Variants in EPB41L4A observed in about 807,000 individuals in gnomAD.
EPB41L4A encodes erythrocyte membrane protein band 4.1 like 4A.
In EPB41L4A, 100 loss-of-function variants were observed where a neutral mutation model predicts 108.6. The ratio of observed to expected loss-of-function variants is 0.92; its 90% CI spans 0.78 to 1.09. The LOEUF is 1.09. Among genes scored for constraint, EPB41L4A ranks in the 50% least tolerant of loss-of-function variants. EPB41L4A has a pLI of 0.00. For synonymous variants in EPB41L4A, 319 were observed against 289.0 expected, an observed-to-expected ratio of 1.10 and a Z score of -1.05; for missense variants, 1,030 against 842.7, an observed-to-expected ratio of 1.22 and a Z score of -2.75.
chr5:112,348,244 G>A lies in EPB41L4A; in HGVS notation c.100-40754C>T, dbSNP rs566276056. ...TCTTCTCCTTCATGAAACCATCTGC[G>A]ACACCTCCACCTTTGTCCATTTACC... On this transcript the variant is annotated intron_variant, in intron 1 of 22. Coordinates refer to ENST00000261486, the MANE Select transcript of EPB41L4A (RefSeq NM_022140.5). Among the ~76,000 whole-genome samples the A allele has an allele frequency of 3.9e-5, 6 of 152,132 alleles. No individual in the cohort carries two copies. The East Asian group carries it at 5.8e-4, about 15-fold the overall frequency.
chr5:112,256,072 T>G (rs949786232), intron 9 of EPB41L4A, among the ~76,000 whole-genome samples: 54 of 152,342 alleles, frequency 3.5e-4, no homozygotes, highest in African/African-American at 1.2e-3. Flanking sequence ...GTTGTCACCC[T>G]GATCCACTGA....
intron 16 of EPB41L4A, 36 bp from the exon 17 acceptor site, chr5:112,194,681 C>A: frequency 6.8e-7 from 1 of 1,468,058 alleles, no homozygotes; most frequent in Non-Finnish European, 9.4e-7. Flanking sequence ...AGAAAAAACA[C>A]ACATTTATAA....
intron 2 of EPB41L4A, among the ~76,000 whole-genome samples, chr5:112,298,760 T>C (rs1434720998): frequency 1.3e-5 from 2 of 152,208 alleles, no homozygotes; most frequent in African/African-American, 4.8e-5. Flanking sequence ...GAATTCAACT[T>C]GAATCCATCT....
In EPB41L4A at chr5:112,229,944, C is replaced by T. The variant is rs530410203; in HGVS notation, c.1087+4690G>A. ...CAGAGTTTGCAGTGAGCCGAGATCA[C>T]GCCAGTGCACTCCAGCCTGGGAGGC... On this transcript the variant is annotated intron_variant, in intron 12 of 22. Coordinates refer to ENST00000261486, the MANE Select transcript of EPB41L4A (RefSeq NM_022140.5). 8.0e-5 allele frequency among the ~76,000 whole-genome samples: 12 copies of T among 149,878 alleles called. No homozygotes were observed. In the South Asian group the frequency reaches 1.7e-3, roughly 21 times the overall value.
At chr5:112,278,424 G>C (rs991509348) in intron 3 of EPB41L4A, among the ~76,000 whole-genome samples, 1 of 151,616 alleles carries the variant, frequency 6.6e-6, no homozygotes, top group African/African-American at 2.4e-5. Flanking sequence ...GCTAATTTTT[G>C]TATTTTTAGC....
intron 1 of EPB41L4A, among the ~76,000 whole-genome samples, chr5:112,357,474 C>T (rs1758433608): frequency 6.6e-6 from 1 of 152,216 alleles, no homozygotes; most frequent in Non-Finnish European, 1.5e-5. Flanking sequence ...TAGCATACAA[C>T]CACACCTGTG....
At chr5:112,301,528 C>G (rs921367276) in intron 2 of EPB41L4A, among the ~76,000 whole-genome samples, 1 of 152,144 alleles carries the variant, frequency 6.6e-6, no homozygotes, top group African/African-American at 2.4e-5. Context: ...GCCATGGATA[C>G]CAGCACAGTA....
downstream of EPB41L4A, chr5:112,161,479 A>C (rs752008611): frequency 5.8e-6 from 3 of 518,284 alleles, no homozygotes; most frequent in Non-Finnish European, 7.7e-6. Flanking sequence ...TACCTCACGC[A>C]GTGTCAGCCT....
chr5:112,167,124 A>C lies in EPB41L4A; in HGVS notation c.1932+1615T>G, dbSNP rs1416770035. The stretch of plus-strand genomic sequence containing the variant: ...ATTGAAACCAACTAAAATTTAAGAC[A>C]AAAAAAAAAAAAAAAACACCGAAAG... On this transcript the variant is annotated intron_variant, in intron 22 of 22. Transcript: ENST00000261486. Among the ~76,000 whole-genome samples, 4 of 14,710 alleles carry C rather than the reference A, an allele frequency of 2.7e-4. 1 individual carries two copies. Among genetic ancestry groups the C allele is most frequent in the Non-Finnish European group, 3.9e-4 (4 of 10,138 alleles). The allele number at this position is 14,710 out of a possible 152,430, so 9.7% of individuals were successfully genotyped here. A position where few individuals can be genotyped will look rare whatever the true frequency, so the allele number is the denominator to read the frequency against.
At chr5:112,343,378 C>A (rs752466412) in intron 1 of EPB41L4A, among the ~76,000 whole-genome samples, 7 of 152,100 alleles carry the variant, frequency 4.6e-5, no homozygotes, top group Non-Finnish European at 8.8e-5. Context: ...TTGGTACTTA[C>A]CAGCTGTGTT....
intron 1 of EPB41L4A, among the ~76,000 whole-genome samples, chr5:112,354,313 A>G (rs17134381): frequency 0.069 from 10,564 of 152,240 alleles, 1,007 homozygotes; most frequent in African/African-American, 0.22. Context: ...GCCTAAATCT[A>G]TGTTGAGGTG....
At chr5:112,241,098 A>G (rs1749755076) in intron 9 of EPB41L4A, among the ~76,000 whole-genome samples, 1 of 152,074 alleles carries the variant, frequency 6.6e-6, no homozygotes, top group African/African-American at 2.4e-5. Context: ...ATACTACAAA[A>G]TCTCCCTCAT....
intron 1 of EPB41L4A, among the ~76,000 whole-genome samples, chr5:112,339,375 G>T (rs1398569122): frequency 6.6e-6 from 1 of 151,252 alleles, no homozygotes; most frequent in African/African-American, 2.4e-5. Flanking sequence ...CAAAGTTTTG[G>T]TAACCACAAA....
intron 9 of EPB41L4A, among the ~76,000 whole-genome samples, chr5:112,252,940 G>C (rs1750795158): frequency 1.3e-5 from 2 of 152,088 alleles, no homozygotes; most frequent in African/African-American, 4.8e-5. Flanking sequence ...AGGGAGAGAA[G>C]GCAGTGCTCT....
Position 112,365,617 on chromosome 5 carries a change from G to A in EPB41L4A, c.99+53324C>T, listed in dbSNP as rs563313753. On this transcript the variant is annotated intron_variant, in intron 1 of 22. Transcript: ENST00000261486. The stretch of plus-strand genomic sequence containing the variant: ...ACCATGGTACGTTTGTTACAACTAA[G>A]GAACCAACACTGGCACATTACGATG... Among the ~76,000 whole-genome samples the A allele has an allele frequency of 1.2e-4, 18 of 152,234 alleles. No homozygotes were observed. The East Asian group carries it at 1.7e-3, about 15-fold the overall frequency.
intron 15 of EPB41L4A, among the ~76,000 whole-genome samples, chr5:112,198,558 C>T (rs1580414799): frequency 6.6e-6 from 1 of 152,268 alleles, no homozygotes; most frequent in East Asian, 1.9e-4. Context: ...ATTCGCTTTG[C>T]TGTTTCTTTA....
At chr5:112,396,701 T>C (rs1161361012) in intron 1 of EPB41L4A, among the ~76,000 whole-genome samples, 1 of 152,108 alleles carries the variant, frequency 6.6e-6, no homozygotes, top group Non-Finnish European at 1.5e-5. Context: ...GTCAGCTGGC[T>C]TTCCACTTAG....
intron 1 of EPB41L4A, among the ~76,000 whole-genome samples, chr5:112,406,316 A>G (rs1306393561): frequency 2.6e-5 from 4 of 152,166 alleles, no homozygotes; most frequent in East Asian, 1.9e-4. Context: ...AGAGTCACTG[A>G]TCAGTTTTTA....
intron 1 of EPB41L4A, among the ~76,000 whole-genome samples, chr5:112,374,303 T>G (rs1203980537): frequency 2.6e-5 from 4 of 152,174 alleles, no homozygotes; most frequent in Non-Finnish European, 4.4e-5. Flanking sequence ...TGGATTAATC[T>G]TCTAAGAATG....
Sources: gnomAD v4.1 joint callset for allele counts (sites outside exome capture counted in the v4.1 genomes callset) on GRCh38, gnomAD v4.1.1 for gene constraint, MANE v1.5 for transcripts, NCBI Gene and HGNC (gene_info 2026-07-23, HGNC 2026-07-21) for gene names.